RGS6: variants seen among roughly 807,000 people sequenced by gnomAD.
RGS6 encodes the protein regulator of G protein signaling 6, also known as regulator of G-protein signaling 6.
A neutral mutation model predicts 78.5 loss-of-function variants in RGS6; 30 were observed. The observed-to-expected ratio is 0.38, with a 90% CI of 0.29 to 0.52. The LOEUF (loss-of-function observed/expected upper bound fraction) is 0.52, where lower values mean the gene tolerates loss of function less well. Among genes scored for constraint, RGS6 ranks in the 20% least tolerant of loss-of-function variants. RGS6 has a pLI of 0.85. For missense variants in RGS6, 495 were observed against 609.7 expected (o/e 0.81, Z 1.98); for synonymous variants, 206 against 206.0 (o/e 1.00, Z 0.00).
intron 2 of RGS6, among the ~76,000 whole-genome samples, chr14:71,982,141 C>A (rs181695878): frequency 7.2e-5 from 11 of 152,088 alleles, no homozygotes; most frequent in South Asian, 2.1e-4. Flanking sequence ...CGCCCTGCTT[C>A]GGCTGGCGCA....
chr14:72,239,529 G>A (rs2052180612), intron 2 of RGS6, among the ~76,000 whole-genome samples: 1 of 152,190 alleles, frequency 6.6e-6, no homozygotes. Flanking sequence ...CATTCCTAGT[G>A]GGTGGGGGAG....
intron 3 of RGS6, among the ~76,000 whole-genome samples, chr14:72,430,303 C>T (rs931915886): frequency 1.3e-5 from 2 of 152,178 alleles, no homozygotes; most frequent in African/African-American, 4.8e-5. Flanking sequence ...CTAAACAAAA[C>T]ATTAAAACCC....
At chr14:72,245,740 T>C (rs2054066539) in intron 2 of RGS6, among the ~76,000 whole-genome samples, 1 of 152,204 alleles carries the variant, frequency 6.6e-6, no homozygotes, top group Non-Finnish European at 1.5e-5. Flanking sequence ...TTGGGGGGGC[T>C]TGCTCCCAAC....
chr14:72,044,706 A>G (rs2092696277), intron 2 of RGS6, among the ~76,000 whole-genome samples: 1 of 152,072 alleles, frequency 6.6e-6, no homozygotes. Flanking sequence ...CTCTGTCTCT[A>G]CTAAAAATAC....
At chr14:72,486,894 T>A (rs2096496585) in intron 12 of RGS6, among the ~76,000 whole-genome samples, 1 of 152,164 alleles carries the variant, frequency 6.6e-6, no homozygotes, top group Admixed American at 6.5e-5. Context: ...TTGAGAAGCA[T>A]AAGGGAAGAG....
chr14:72,602,459 G>A, the RGS6 span, among the ~76,000 whole-genome samples: 1 of 152,158 alleles, frequency 6.6e-6, no homozygotes, highest in Non-Finnish European at 1.5e-5. Flanking sequence ...GCTCATGGAG[G>A]TTATGTAGCA....
At chr14:71,879,766 C>G in the RGS6 span, among the ~76,000 whole-genome samples, 1 of 152,178 alleles carries the variant, frequency 6.6e-6, no homozygotes, top group East Asian at 1.9e-4. Flanking sequence ...ATTACCCAGT[C>G]TTGGCTATGT....
chr14:72,503,657 A>G (rs958075655), intron 13 of RGS6, among the ~76,000 whole-genome samples: 13 of 152,246 alleles, frequency 8.5e-5, no homozygotes, highest in African/African-American at 2.9e-4. Context: ...GGCAGAAAAC[A>G]TTAAACCTTA....
At chr14:72,448,660 T>C (rs1376834050) in intron 3 of RGS6, among the ~76,000 whole-genome samples, 1 of 152,202 alleles carries the variant, frequency 6.6e-6, no homozygotes. Context: ...AGTAAATTAT[T>C]AGTTCAACAG....
intron 2 of RGS6, among the ~76,000 whole-genome samples, chr14:72,147,378 A>C (rs1267715679): frequency 6.6e-6 from 1 of 152,242 alleles, no homozygotes; most frequent in Non-Finnish European, 1.5e-5. Context: ...AAAGAAAAGA[A>C]AGCCAGCGTC....
chr14:72,391,066 A>G (rs193054023), intron 3 of RGS6, among the ~76,000 whole-genome samples: 19 of 152,348 alleles, frequency 1.2e-4, no homozygotes, highest in African/African-American at 4.3e-4. Flanking sequence ...GGCAAATGCA[A>G]GCATATGAAT....
intron 3 of RGS6, chr14:72,420,929 A>G (rs1453508081): frequency 1.3e-5 from 2 of 152,134 alleles, no homozygotes; most frequent in Non-Finnish European, 2.9e-5. Flanking sequence ...TTCCAGAGCA[A>G]CGGCGCCCCT....
chr14:72,166,742 C>A (rs938936258), intron 2 of RGS6, among the ~76,000 whole-genome samples: 7 of 152,134 alleles, frequency 4.6e-5, no homozygotes, highest in African/African-American at 1.7e-4. Context: ...TTTTTATAGA[C>A]CTATTGATCT....
At chr14:72,202,499 C>T (rs2041793057) in intron 2 of RGS6, among the ~76,000 whole-genome samples, 1 of 152,196 alleles carries the variant, frequency 6.6e-6, no homozygotes, top group Non-Finnish European at 1.5e-5. Flanking sequence ...TAGGGGGCTT[C>T]AGGAAGAACT....
intron 2 of RGS6, among the ~76,000 whole-genome samples, chr14:72,347,199 A>C (rs1279969999): frequency 1.3e-5 from 2 of 152,218 alleles, no homozygotes; most frequent in African/African-American, 4.8e-5. Flanking sequence ...GCTCTTCTTT[A>C]GGAACAAAAG....
At chr14:72,199,172 G>A (rs1345144724) in intron 2 of RGS6, among the ~76,000 whole-genome samples, 1 of 152,222 alleles carries the variant, frequency 6.6e-6, no homozygotes, top group East Asian at 1.9e-4. Context: ...CCCAGTGATG[G>A]AATGGTGATG....
At chr14:72,150,458 T>G (rs2096668121) in intron 2 of RGS6, among the ~76,000 whole-genome samples, 1 of 151,982 alleles carries the variant, frequency 6.6e-6, no homozygotes, top group South Asian at 2.1e-4. Flanking sequence ...TACACGAAGT[T>G]AGAGCCAGGC....
intron 2 of RGS6, among the ~76,000 whole-genome samples, chr14:72,301,922 C>G (rs1278725410): frequency 1.3e-5 from 2 of 152,132 alleles, no homozygotes; most frequent in Admixed American, 1.3e-4. Context: ...CATTTTGAAG[C>G]ACTGGGGGTG....
At chr14:72,065,298 T>C (rs116488715) in intron 2 of RGS6, among the ~76,000 whole-genome samples, 2,248 of 152,334 alleles carry the variant, frequency 0.015, 50 homozygotes, top group African/African-American at 0.052. Flanking sequence ...TCCTGCATTA[T>C]TGGTTTTTGT....
Sources: gnomAD v4.1 joint callset for allele counts (sites outside exome capture counted in the v4.1 genomes callset) on GRCh38, gnomAD v4.1.1 for gene constraint, MANE v1.5 for transcripts, NCBI Gene and HGNC (gene_info 2026-07-23, HGNC 2026-07-21) for gene names.